Variants in FILIP1L observed in about 807,000 individuals in gnomAD.
FILIP1L encodes the protein filamin A interacting protein 1 like.
FILIP1L carries 55 observed loss-of-function variants against 96.6 expected under a neutral mutation model. The ratio of observed to expected loss-of-function variants is 0.57; its 90% CI spans 0.46 to 0.71. FILIP1L has a LOEUF of 0.71. Among genes scored for constraint, FILIP1L ranks in the 30% least tolerant of loss-of-function variants. The probability of loss-of-function intolerance (pLI) is 0.00; values close to 1 mark genes in which losing one functional copy is unlikely to be tolerated. For synonymous variants in FILIP1L, 467 were observed against 473.9 expected (o/e 0.99, Z 0.19); for missense variants, 1,304 against 1,321.2 (o/e 0.99, Z 0.20).
At chr3:99,887,475 C>T (rs1022065959) in intron 4 of FILIP1L, among the ~76,000 whole-genome samples, 2 of 152,096 alleles carry the variant, frequency 1.3e-5, no homozygotes, top group African/African-American at 4.8e-5. Flanking sequence ...GCTATCACAG[C>T]CATGACTGAG....
chr3:100,013,974 C>T (rs533530434), intron 1 of FILIP1L, among the ~76,000 whole-genome samples: 160 of 152,186 alleles, frequency 1.1e-3, no homozygotes, highest in Non-Finnish European at 1.7e-3. Context: ...TGTGCCGCCC[C>T]CTTCCCACTG....
At chr3:99,885,117 G>A (rs1231623875) in intron 4 of FILIP1L, among the ~76,000 whole-genome samples, 2 of 152,318 alleles carry the variant, frequency 1.3e-5, no homozygotes, top group African/African-American at 4.8e-5. Flanking sequence ...AGTTAAAATA[G>A]TGCTGATTTC....
chr3:99,862,568 C>T (rs374848003), intron 4 of FILIP1L, among the ~76,000 whole-genome samples: 2 of 152,192 alleles, frequency 1.3e-5, no homozygotes, highest in Admixed American at 1.3e-4. Flanking sequence ...CATCCCTGAT[C>T]TCTACCTACT....
rs1706716406 is a variant in FILIP1L at position 99,909,235 on chromosome 3, G to C, written c.605+14995C>G. Among the ~76,000 whole-genome samples, 3 of 152,156 alleles carry C rather than the reference G, an allele frequency of 2.0e-5. 1 individual carries two copies. The highest frequency in any genetic ancestry group is 2.0e-4 in the Admixed American group (3 of 15,278). On this transcript the variant is annotated intron_variant, in intron 4 of 5. Transcript: ENST00000477258. The stretch of plus-strand genomic sequence containing the variant: ...CCTCTTCTCATAAAATTAATTTTCT[G>C]TCTGATCCAATACCAAACAGAAAAT...
intron 1 of FILIP1L, among the ~76,000 whole-genome samples, chr3:100,096,506 C>T (rs765633981): frequency 2.6e-5 from 4 of 151,938 alleles, no homozygotes; most frequent in African/African-American, 7.3e-5. Context: ...AAATAAGCCA[C>T]GCACAAAAAG....
intron 1 of FILIP1L, among the ~76,000 whole-genome samples, chr3:100,059,396 C>T (rs2065520687): frequency 6.6e-6 from 1 of 152,220 alleles, no homozygotes; most frequent in Admixed American, 6.5e-5. Flanking sequence ...CTTTTAGCCT[C>T]ATCTCCGTGA....
At chr3:99,877,928 A>G (rs184036322) in intron 4 of FILIP1L, among the ~76,000 whole-genome samples, 1 of 152,330 alleles carries the variant, frequency 6.6e-6, no homozygotes, top group Non-Finnish European at 1.5e-5. Flanking sequence ...GTTTCCTAAC[A>G]TTTAACACTA....
intron 3 of FILIP1L, chr3:99,925,787 C>G (rs1279948547): frequency 1.1e-6 from 1 of 913,202 alleles, no homozygotes; most frequent in Admixed American, 6.2e-5. Flanking sequence ...AAGGAAGAAC[C>G]AGGCAGTAAA....
At chr3:99,973,218 C>A (rs547696930) in intron 1 of FILIP1L, among the ~76,000 whole-genome samples, 7 of 152,104 alleles carry the variant, frequency 4.6e-5, no homozygotes, top group African/African-American at 1.7e-4. Flanking sequence ...ACATCATAAA[C>A]AAAATGAATA....
intron 1 of FILIP1L, among the ~76,000 whole-genome samples, chr3:99,977,730 T>A (rs1354589089): frequency 6.6e-6 from 1 of 152,182 alleles, no homozygotes; most frequent in Admixed American, 6.5e-5. Flanking sequence ...ATCATTTGGA[T>A]GGAGCATGAC....
intron 1 of FILIP1L, among the ~76,000 whole-genome samples, chr3:99,968,828 ATTGTGTC>A (rs1708730216): frequency 6.6e-6 from 1 of 152,192 alleles, no homozygotes; most frequent in Non-Finnish European, 1.5e-5. Flanking sequence ...GCAGAATGAC[ATTGTGTC>A]TTGTTTTAAA....
chr3:99,887,395 A>G lies in FILIP1L; in HGVS notation c.606-36325T>C, dbSNP rs1489855721. 2.6e-5 allele frequency among the ~76,000 whole-genome samples: 4 copies of G among 152,282 alleles called. No homozygotes were observed. In the East Asian group the frequency reaches 7.7e-4, roughly 29 times the overall value. On this transcript the variant is annotated intron_variant, in intron 4 of 5. Coordinates refer to ENST00000477258, the MANE Select transcript of FILIP1L (RefSeq NM_001387850.1). ...GAATGGTGGAACAAAGGAACCCTGG[A>G]TTTACTATAGTCATTGGTTGGCTCT... is the stretch of plus-strand genomic sequence containing the variant.
chr3:99,987,080 A>G (rs954152781), intron 1 of FILIP1L, among the ~76,000 whole-genome samples: 13 of 151,876 alleles, frequency 8.6e-5, no homozygotes, highest in Non-Finnish European at 1.9e-4. Context: ...AAATACAAAA[A>G]TTAGCCAACC....
rs186314213 is a variant in FILIP1L at position 100,086,582 on chromosome 3, C to A, written c.-11+27471G>T. Among the ~76,000 whole-genome samples the A allele has an allele frequency of 4.5e-3, 683 of 152,240 alleles. 5 individuals carry two copies. Among genetic ancestry groups the A allele is most frequent in the Non-Finnish European group, 7.8e-3 (531 of 68,024 alleles). On this transcript the variant is annotated intron_variant, in intron 1 of 5. Transcript: ENST00000477258. Reference sequence around the variant, plus strand: ...AGAAAAATTAAACTGGTATTTATTACCCACCAGGCTAACGTCCAAAATATG... The same window carrying A: ...AGAAAAATTAAACTGGTATTTATTAACCACCAGGCTAACGTCCAAAATATG...
At chr3:99,991,969 TAC>T (rs1226159262) in intron 1 of FILIP1L, among the ~76,000 whole-genome samples, 19 of 149,246 alleles carry the variant, frequency 1.3e-4, no homozygotes, top group African/African-American at 4.7e-4. Flanking sequence ...TGTGTATATA[TAC>T]ACACATATAT....
Position 99,848,431 on chromosome 3 carries a change from C to T in FILIP1L, c.3245G>A (p.Ser1082Asn), listed in dbSNP as rs140594225. ...QAVASPVRPASPSAPLQDNRT... is the reference protein window; with the variant it reads ...QAVASPVRPANPSAPLQDNRT... ...GTTATCCTGCAGTGGTGCTGAAGGG[C>T]TGGCAGGTCTCACAGGGCTGGCTAC... Residue 1082 changes from serine to asparagine, a missense_variant, in exon 5 of 6, where the codon AGC becomes AAC. Ser to Asn is a conservative substitution (Grantham distance 46). Coordinates refer to ENST00000477258, the MANE Select transcript of FILIP1L (RefSeq NM_001387850.1). 611 of 1,614,168 alleles carry T rather than the reference C, an allele frequency of 3.8e-4. 2 individuals carry two copies. The African/African-American group carries it at 7.2e-3, about 19-fold the overall frequency.
chr3:100,090,915 GA>G (rs2066092393), intron 1 of FILIP1L, among the ~76,000 whole-genome samples: 1 of 152,190 alleles, frequency 6.6e-6, no homozygotes, highest in African/African-American at 2.4e-5. Flanking sequence ...AATGAGTGCA[GA>G]GGTTAAACAT....
At chr3:99,955,247 G>C (rs1201480566) in intron 1 of FILIP1L, among the ~76,000 whole-genome samples, 1 of 152,172 alleles carries the variant, frequency 6.6e-6, no homozygotes, top group South Asian at 2.1e-4. Context: ...TGCTCACACA[G>C]AGGATGGAAC....
At chr3:99,838,467 G>C (rs919679650) in intron 5 of FILIP1L, among the ~76,000 whole-genome samples, 3 of 152,218 alleles carry the variant, frequency 2.0e-5, no homozygotes, top group African/African-American at 7.2e-5. Flanking sequence ...TGTCCATGTA[G>C]AGAAGTGGGG....
Sources: allele counts gnomAD v4.1 joint callset (sites outside exome capture counted in the v4.1 genomes callset), GRCh38; gene constraint gnomAD v4.1.1; transcripts MANE v1.5; gene names NCBI Gene and HGNC (gene_info 2026-07-23, HGNC 2026-07-21).